Variants in DARS1 observed in about 807,000 individuals in gnomAD.
DARS1 encodes aspartate--tRNA ligase, cytoplasmic.
Under a neutral mutation model 68.8 loss-of-function variants are expected in DARS1, and 51 were observed. The ratio of observed to expected loss-of-function variants is 0.74; its 90% confidence interval spans 0.59 to 0.94. The LOEUF (loss-of-function observed/expected upper bound fraction) is 0.94, where lower values mean the gene tolerates loss of function less well. Ranked by LOEUF, DARS1 falls within the 40% of genes least tolerant of loss-of-function variation. The probability of loss-of-function intolerance (pLI) is 0.00; values close to 1 mark genes in which losing one functional copy is unlikely to be tolerated. For missense variants in DARS1, 607 were observed against 597.3 expected (o/e 1.02, Z -0.17); for synonymous variants, 203 against 190.4 (o/e 1.07, Z -0.55).
intron 15 of DARS1, 111 bp from the exon 16 acceptor site, chr2:135,907,518 A>C (rs1248491427): frequency 2.7e-5 from 18 of 663,978 alleles, no homozygotes; most frequent in Non-Finnish European, 4.5e-5. Context: ...CCTTGTTAGG[A>C]AAGAAAATGA....
chr2:135,924,507 C>T lies in DARS1; in HGVS notation c.565-9G>A, dbSNP rs766875032. The T allele has an allele frequency of 6.3e-7, 1 of 1,599,208 alleles. No individual in the cohort carries two copies. The highest frequency in any genetic ancestry group is 8.5e-7 in the Non-Finnish European group (1 of 1,175,424). The stretch of plus-strand genomic sequence containing the variant: ...GCCTGACTAGTTGATGTCTAGAAGA[C>T]AGTAATAAAATCTAATTAAATCAAC... On this transcript the variant is annotated splice_polypyrimidine_tract_variant and intron_variant, in intron 7 of 15. Transcript: ENST00000264161.
chr2:135,958,703 A>G lies in DARS1; in HGVS notation c.320+2693T>C, dbSNP rs115332530. Among the ~76,000 whole-genome samples the G allele has an allele frequency of 7.8e-3, 1,186 of 152,284 alleles. 16 individuals are homozygous for G. The highest frequency in any genetic ancestry group is 0.027 in the African/African-American group (1,118 of 41,552). ...TTGCCAACGAGTCTTAGCCATAAGA[A>G]TTTTCCTTTTTCGCAAGATAGCAAA... On this transcript the variant is annotated intron_variant, in intron 4 of 15. Coordinates refer to ENST00000264161, the MANE Select transcript of DARS1 (RefSeq NM_001349.4).
chr2:135,971,243 G>C (rs562045184), intron 3 of DARS1, among the ~76,000 whole-genome samples: 11 of 152,044 alleles, frequency 7.2e-5, no homozygotes, highest in African/African-American at 2.7e-4. Context: ...ATCATTCATC[G>C]TGACCAAGTG....
At chr2:135,922,652 A>G in intron 9 of DARS1, 132 bp downstream of exon 9, 1 of 1,269,638 alleles carries the variant, frequency 7.9e-7, no homozygotes, top group Non-Finnish European at 1.0e-6. Context: ...AAAGTCTAGC[A>G]TTTGTGTAGT....
In DARS1 at chr2:135,911,050, C is replaced by A. The variant is rs573403535; in HGVS notation, c.1414+89G>T. On this transcript the variant is annotated intron_variant, in intron 15 of 15. Transcript: ENST00000264161. Reference sequence around the variant, plus strand: ...TTGGAAATCAAATTTTCACTTATGTCGTAATTCACTTTTAAAAATTCTTGT... The same window carrying A: ...TTGGAAATCAAATTTTCACTTATGTAGTAATTCACTTTTAAAAATTCTTGT... 17 of 648,684 alleles carry A rather than the reference C, an allele frequency of 2.6e-5. No homozygotes were observed. In the East Asian group the frequency reaches 4.8e-4, roughly 18 times the overall value. The allele number at this position is 648,684 out of a possible 1,614,324, so 40.2% of individuals were successfully genotyped here. A position where few individuals can be genotyped will look rare whatever the true frequency, so the allele number is the denominator to read the frequency against.
intron 4 of DARS1, among the ~76,000 whole-genome samples, chr2:135,949,435 T>A (rs1400595997): frequency 2.0e-5 from 3 of 152,298 alleles, no homozygotes; most frequent in Non-Finnish European, 2.9e-5. Context: ...AAATTTTTTT[T>A]AAAAGAATAA....
rs1365229083 is a variant in DARS1, at chr2:135,914,461, A to C, written c.1149+8T>G. On this transcript the variant is annotated splice_region_variant and intron_variant, in intron 12 of 15. Transcript: ENST00000264161. ...AGAAAAAGAAATCCAGCATATAAAGAGTCCTACCTTTTCCTTTACCAAATG... is the reference window on the plus strand; with the variant it reads ...AGAAAAAGAAATCCAGCATATAAAGCGTCCTACCTTTTCCTTTACCAAATG... 3 of 1,275,654 alleles carry C rather than the reference A, an allele frequency of 2.4e-6. No homozygotes were observed. The highest frequency in any genetic ancestry group is 3.4e-5 in the Admixed American group (2 of 59,562). The allele number at this position is 1,275,654 out of a possible 1,614,324, so 79.0% of individuals were successfully genotyped here.
intron 5 of DARS1, among the ~76,000 whole-genome samples, chr2:135,938,989 A>C (rs1246657670): frequency 6.6e-6 from 1 of 152,252 alleles, no homozygotes. Flanking sequence ...CACCCAATAC[A>C]GGAGCACCCA....
intron 5 of DARS1, among the ~76,000 whole-genome samples, chr2:135,939,226 G>A (rs1681541830): frequency 1.3e-5 from 2 of 152,046 alleles, no homozygotes; most frequent in African/African-American, 4.8e-5. Context: ...GCACCACATT[G>A]CACTTATTCC....
chr2:135,930,843 T>C lies in DARS1; in HGVS notation c.564+1940A>G, dbSNP rs76047098. Among the ~76,000 whole-genome samples the C allele has an allele frequency of 7.7e-3, 1,171 of 152,264 alleles. 11 individuals are homozygous for C. Among genetic ancestry groups the C allele is most frequent in the African/African-American group, 0.027 (1,105 of 41,554 alleles). On this transcript the variant is annotated intron_variant, in intron 7 of 15. Coordinates refer to ENST00000264161, the MANE Select transcript of DARS1 (RefSeq NM_001349.4). Reference sequence around the variant, plus strand: ...TCTAAAGGGAACTCTCCTGAATAGATTCTGAGAAAACCCTCCTAACAACCT... The same window carrying C: ...TCTAAAGGGAACTCTCCTGAATAGACTCTGAGAAAACCCTCCTAACAACCT...
At chr2:135,926,245 A>G (rs577295635) in intron 7 of DARS1, among the ~76,000 whole-genome samples, 5 of 152,334 alleles carry the variant, frequency 3.3e-5, no homozygotes, top group South Asian at 4.1e-4. Context: ...ACTGGTTGTC[A>G]TAGATTATTT....
chr2:135,952,088 A>G (rs1466073254), intron 4 of DARS1, among the ~76,000 whole-genome samples: 1 of 152,060 alleles, frequency 6.6e-6, no homozygotes, highest in African/African-American at 2.4e-5. Flanking sequence ...TAAAAATACA[A>G]AAATTAGCTG....
At chr2:135,914,357 T>G in intron 12 of DARS1, 112 bp downstream of exon 12, 1 of 706,390 alleles carries the variant, frequency 1.4e-6, no homozygotes, top group Non-Finnish European at 2.5e-6. Flanking sequence ...TCGGTTTTTA[T>G]TTATTCCAGA....
intron 4 of DARS1, among the ~76,000 whole-genome samples, chr2:135,960,886 T>TA (rs1682084262): frequency 6.6e-6 from 1 of 152,258 alleles, no homozygotes; most frequent in Non-Finnish European, 1.5e-5. Context: ...AAGCAAGTTT[T>TA]ACCTTTTTTC....
chr2:135,941,346 A>G (rs1021078740), intron 5 of DARS1, among the ~76,000 whole-genome samples: 31 of 152,224 alleles, frequency 2.0e-4, no homozygotes, highest in African/African-American at 7.5e-4. Flanking sequence ...GCCCTCAGAA[A>G]TAACACCGCA....
chr2:135,910,616 G>T (rs1049719815), intron 15 of DARS1, among the ~76,000 whole-genome samples: 2 of 152,028 alleles, frequency 1.3e-5, no homozygotes, highest in Non-Finnish European at 2.9e-5. Flanking sequence ...TGAAAATTTT[G>T]TAAGTACATT....
At chr2:135,950,871 T>A (rs1681825136) in intron 4 of DARS1, among the ~76,000 whole-genome samples, 1 of 151,024 alleles carries the variant, frequency 6.6e-6, no homozygotes, top group African/African-American at 2.4e-5. Context: ...GACAGGGGAG[T>A]TTGTAGGGTG....
intron 9 of DARS1, among the ~76,000 whole-genome samples, 161 bp downstream of exon 9, chr2:135,922,623 A>C (rs994470786): frequency 9.9e-5 from 15 of 152,216 alleles, no homozygotes; most frequent in African/African-American, 3.6e-4. Flanking sequence ...TGTCTACCCA[A>C]ATATATTATC....
rs1478269073 is a variant in DARS1, at chr2:135,978,098, G to A, written c.217+1176C>T. On this transcript the variant is annotated intron_variant, in intron 3 of 15. Coordinates refer to ENST00000264161, the MANE Select transcript of DARS1 (RefSeq NM_001349.4). ...GCAGAGATTGCAGTGAGCCGAGATC[G>A]CAACACAGCACTCCAGCCTGGGTGA... 1.2e-3 allele frequency among the ~76,000 whole-genome samples: 147 copies of A among 123,102 alleles called. 1 individual carries two copies. The highest frequency in any genetic ancestry group is 4.4e-3 in the African/African-American group (138 of 31,530). 80.8% of individuals were successfully genotyped at this position (123,102 alleles called of 152,430 possible). A position where few individuals can be genotyped will look rare whatever the true frequency, so the allele number is the denominator to read the frequency against.
Sources: allele counts gnomAD v4.1 joint callset (sites outside exome capture counted in the v4.1 genomes callset), GRCh38; gene constraint gnomAD v4.1.1; transcripts MANE v1.5; gene names NCBI Gene and HGNC (gene_info 2026-07-23, HGNC 2026-07-21).